SGCZ: variants seen among roughly 807,000 people sequenced by gnomAD.
SGCZ encodes zeta-sarcoglycan.
A neutral mutation model predicts 41.3 loss-of-function variants in SGCZ; 40 were observed. The observed-to-expected ratio is 0.97, with a 90% confidence interval of 0.75 to 1.26. The LOEUF (loss-of-function observed/expected upper bound fraction) is 1.26, where lower values mean the gene tolerates loss of function less well. SGCZ is among the 50% of genes most tolerant of loss of function. The pLI is 0.00. For missense variants in SGCZ, 552 were observed against 369.8 expected, an observed-to-expected ratio of 1.49 and a Z score of -4.04; for synonymous variants, 206 against 137.5, an observed-to-expected ratio of 1.50 and a Z score of -3.49.
At chr8:14,097,375 G>T (rs373394128) in intron 7 of SGCZ, among the ~76,000 whole-genome samples, 9 of 152,112 alleles carry the variant, frequency 5.9e-5, no homozygotes, top group African/African-American at 1.9e-4. Flanking sequence ...TCAGGAGCAG[G>T]TTGTTCAGTT....
At chr8:15,144,870 C>T (rs1023336370) in intron 1 of SGCZ, among the ~76,000 whole-genome samples, 8 of 152,162 alleles carry the variant, frequency 5.3e-5, no homozygotes, top group Non-Finnish European at 7.4e-5. Flanking sequence ...TCCGGTGTAC[C>T]GTACCACATA....
At chr8:15,180,449 G>C (rs1049273048) in intron 1 of SGCZ, among the ~76,000 whole-genome samples, 2 of 152,118 alleles carry the variant, frequency 1.3e-5, no homozygotes, top group Non-Finnish European at 2.9e-5. Context: ...GGAAGACTTA[G>C]TCTGGAAATT....
At chr8:15,184,770 A>T (rs908540189) in intron 1 of SGCZ, among the ~76,000 whole-genome samples, 1 of 152,182 alleles carries the variant, frequency 6.6e-6, no homozygotes, top group Non-Finnish European at 1.5e-5. Flanking sequence ...CTTTGGTAAT[A>T]TCGGGTGATG....
intron 3 of SGCZ, among the ~76,000 whole-genome samples, chr8:14,279,648 G>C (rs1363905548): frequency 6.6e-6 from 1 of 151,988 alleles, no homozygotes; most frequent in African/African-American, 2.4e-5. Context: ...GATGGATATA[G>C]CTTCTTTGAC....
At chr8:14,353,532 T>C (rs929367553) in intron 2 of SGCZ, among the ~76,000 whole-genome samples, 1 of 152,146 alleles carries the variant, frequency 6.6e-6, no homozygotes, top group African/African-American at 2.4e-5. Flanking sequence ...CAAGCCTGTG[T>C]GAATCATTCT....
chr8:15,090,802 G>T (rs1262271227), intron 1 of SGCZ, among the ~76,000 whole-genome samples: 2 of 152,170 alleles, frequency 1.3e-5, no homozygotes, highest in African/African-American at 4.8e-5. Context: ...CCAAACAGGT[G>T]TGTGGAAATC....
At chr8:14,772,660 T>G (rs972536783) in intron 1 of SGCZ, among the ~76,000 whole-genome samples, 2 of 146,410 alleles carry the variant, frequency 1.4e-5, no homozygotes, top group Admixed American at 7.0e-5. Flanking sequence ...TTCCCACCTA[T>G]GAGTGAGAAC....
intron 3 of SGCZ, among the ~76,000 whole-genome samples, chr8:14,302,592 A>G (rs530086839): frequency 1.3e-5 from 2 of 152,216 alleles, no homozygotes; most frequent in South Asian, 2.1e-4. Context: ...CTCTGTCCCC[A>G]TGTGGCTGGC....
intron 1 of SGCZ, among the ~76,000 whole-genome samples, chr8:14,997,056 T>G (rs1056190731): frequency 6.6e-6 from 1 of 152,186 alleles, no homozygotes; most frequent in Non-Finnish European, 1.5e-5. Flanking sequence ...CTTCCTTAGC[T>G]TTCTCTTTAA....
At chr8:14,938,767 G>A (rs892795410) in intron 1 of SGCZ, among the ~76,000 whole-genome samples, 2 of 151,956 alleles carry the variant, frequency 1.3e-5, no homozygotes, top group South Asian at 2.1e-4. Context: ...ACCAAATACC[G>A]TGTGTTCCCA....
chr8:14,281,088 G>A (rs1800416828), intron 3 of SGCZ, among the ~76,000 whole-genome samples: 1 of 151,478 alleles, frequency 6.6e-6, no homozygotes, highest in Non-Finnish European at 1.5e-5. Context: ...TACCATAATG[G>A]AACAAAAAAT....
At chr8:14,510,269 G>C (rs935060675) in intron 2 of SGCZ, among the ~76,000 whole-genome samples, 2 of 152,078 alleles carry the variant, frequency 1.3e-5, no homozygotes, top group African/African-American at 4.8e-5. Context: ...GGAGTAGAAA[G>C]TAAACTGAAA....
chr8:14,960,602 G>A (rs1447806137), intron 1 of SGCZ, among the ~76,000 whole-genome samples: 1 of 152,036 alleles, frequency 6.6e-6, no homozygotes, highest in African/African-American at 2.4e-5. Context: ...TCTGAGCTAT[G>A]GGTGGTGCAA....
chr8:14,233,583 C>G (rs1050410731), intron 4 of SGCZ, among the ~76,000 whole-genome samples: 1 of 125,528 alleles, frequency 8.0e-6, no homozygotes, highest in African/African-American at 2.6e-5. Flanking sequence ...GATTTTTATT[C>G]TATATAAAAT....
At position 14,419,522 on chromosome 8, in the gene SGCZ, A is replaced by G. The variant is rs1276186357; in HGVS notation, c.235-95318T>C. Among the ~76,000 whole-genome samples, 6 of 151,858 alleles carry G rather than the reference A, an allele frequency of 4.0e-5. No homozygotes were observed. In the East Asian group the frequency reaches 1.2e-3, roughly 29 times the overall value. On this transcript the variant is annotated intron_variant, in intron 2 of 7. Coordinates refer to ENST00000382080, the MANE Select transcript of SGCZ (RefSeq NM_139167.4). ...ATGAGTTTTTTTACTAAGCCATTTC[A>G]TCACCTTTCTATAACTAGTCAGCAG... is the stretch of plus-strand genomic sequence containing the variant.
chr8:14,243,040 G>A (rs961139723), intron 3 of SGCZ, among the ~76,000 whole-genome samples: 8 of 152,166 alleles, frequency 5.3e-5, no homozygotes, highest in African/African-American at 1.9e-4. Flanking sequence ...GCATGACCTT[G>A]TTTGTCTTGT....
intron 1 of SGCZ, among the ~76,000 whole-genome samples, chr8:15,126,111 A>G (rs1807671191): frequency 3.3e-5 from 5 of 152,348 alleles, no homozygotes; most frequent in Admixed American, 3.3e-4. Context: ...GTGTCATCGC[A>G]TTCCAGCCTG....
At chr8:15,087,218 C>T (rs1805982238) in intron 1 of SGCZ, among the ~76,000 whole-genome samples, 1 of 152,026 alleles carries the variant, frequency 6.6e-6, no homozygotes, top group Non-Finnish European at 1.5e-5. Context: ...ACTCATGTCA[C>T]TCTGCTGGAT....
intron 4 of SGCZ, among the ~76,000 whole-genome samples, chr8:14,204,416 C>A (rs1013772613): frequency 6.6e-6 from 1 of 151,982 alleles, no homozygotes; most frequent in Non-Finnish European, 1.5e-5. Flanking sequence ...CAGCTCAGGT[C>A]TACTATGGGT....
Sources: gnomAD v4.1 joint callset for allele counts (sites outside exome capture counted in the v4.1 genomes callset) on GRCh38, gnomAD v4.1.1 for gene constraint, MANE v1.5 for transcripts, NCBI Gene and HGNC (gene_info 2026-07-23, HGNC 2026-07-21) for gene names.